FRMD4A: variants seen among roughly 807,000 people sequenced by gnomAD.
FRMD4A encodes FERM domain-containing protein 4A.
In FRMD4A, 29 loss-of-function variants were observed where a neutral mutation model predicts 129.1. That is an observed-to-expected ratio of 0.22 (90% confidence interval 0.17 to 0.31). FRMD4A has a LOEUF of 0.31. Ranked by LOEUF, FRMD4A falls within the 10% of genes least tolerant of loss-of-function variation. The pLI, the probability that FRMD4A is intolerant of heterozygous loss-of-function variation, is 1.00. For synonymous variants in FRMD4A, 634 were observed against 571.6 expected, an observed-to-expected ratio of 1.11 and a Z score of -1.56; for missense variants, 1,272 against 1,375.8, an observed-to-expected ratio of 0.92 and a Z score of 1.19.
chr10:14,202,553 A>C (rs1322848894), intron 2 of FRMD4A, among the ~76,000 whole-genome samples: 3 of 151,856 alleles, frequency 2.0e-5, no homozygotes, highest in Non-Finnish European at 4.4e-5. Context: ...GGTGAGCAGC[A>C]CCACCCCCGG....
chr10:14,024,592 G>A (rs1255655684), intron 2 of FRMD4A, among the ~76,000 whole-genome samples: 1 of 152,246 alleles, frequency 6.6e-6, no homozygotes, highest in Non-Finnish European at 1.5e-5. Flanking sequence ...CTCGAGCTGT[G>A]TAGCCAGAAA....
intron 2 of FRMD4A, among the ~76,000 whole-genome samples, chr10:13,884,502 GCTTTTTCTGAT>G (rs1430925678): frequency 6.6e-6 from 1 of 152,062 alleles, no homozygotes; most frequent in Non-Finnish European, 1.5e-5. Flanking sequence ...CAAGATAAAA[GCTTTTTCTGAT>G]CTTTTTTGAA....
chr10:13,974,523 CTGAT>C (rs937319964), intron 2 of FRMD4A, among the ~76,000 whole-genome samples: 52 of 151,602 alleles, frequency 3.4e-4, no homozygotes, highest in Non-Finnish European at 6.8e-4. Flanking sequence ...CTAGCCTTGA[CTGAT>C]TGATTGATTG....
At chr10:14,162,450 C>G (rs2131871468) in intron 2 of FRMD4A, among the ~76,000 whole-genome samples, 1 of 152,370 alleles carries the variant, frequency 6.6e-6, no homozygotes, top group East Asian at 1.9e-4. Context: ...GCTTTGACCT[C>G]TGCAGCGAAA....
chr10:14,151,975 TG>T (rs1840359850), intron 2 of FRMD4A, among the ~76,000 whole-genome samples: 1 of 151,750 alleles, frequency 6.6e-6, no homozygotes, highest in South Asian at 2.1e-4. Flanking sequence ...CCAGGCTTCC[TG>T]GGGGAGAAGA....
chr10:13,842,310 T>C (rs997747894), intron 3 of FRMD4A, among the ~76,000 whole-genome samples: 3 of 152,318 alleles, frequency 2.0e-5, no homozygotes, highest in Admixed American at 2.0e-4. Context: ...GTCCCTTTTG[T>C]CTCAAATAAA....
At chr10:13,687,631 G>C (rs537204993) in intron 15 of FRMD4A, among the ~76,000 whole-genome samples, 50 of 152,238 alleles carry the variant, frequency 3.3e-4, no homozygotes, top group Non-Finnish European at 4.0e-4. Flanking sequence ...CTCTCAAACT[G>C]TACCTGAACT....
chr10:13,789,951 G>C (rs1323201191), intron 5 of FRMD4A, among the ~76,000 whole-genome samples: 1 of 152,078 alleles, frequency 6.6e-6, no homozygotes, highest in Non-Finnish European at 1.5e-5. Context: ...ATTCTAGAAA[G>C]ATGCTCAGTG....
At chr10:14,248,645 A>G (rs943681193) in intron 2 of FRMD4A, among the ~76,000 whole-genome samples, 2 of 80,548 alleles carry the variant, frequency 2.5e-5, no homozygotes, top group African/African-American at 9.7e-5. Context: ...GAGTTCTACA[A>G]TATAACTATT....
intron 2 of FRMD4A, among the ~76,000 whole-genome samples, chr10:13,924,480 T>C (rs1359601010): frequency 6.6e-6 from 1 of 151,938 alleles, no homozygotes; most frequent in East Asian, 1.9e-4. Flanking sequence ...CCGTTCCCTC[T>C]GCCTGGGACT....
chr10:13,982,343 C>T (rs1014727051), intron 2 of FRMD4A, among the ~76,000 whole-genome samples: 1 of 151,812 alleles, frequency 6.6e-6, no homozygotes, highest in Non-Finnish European at 1.5e-5. Context: ...ATTAGCTGGG[C>T]ACGGTGGCAT....
intron 2 of FRMD4A, among the ~76,000 whole-genome samples, chr10:13,914,219 G>A (rs1246962177): frequency 2.0e-5 from 3 of 152,192 alleles, no homozygotes; most frequent in Non-Finnish European, 4.4e-5. Flanking sequence ...ATTTTACAAA[G>A]TTTCTCATGA....
intron 2 of FRMD4A, among the ~76,000 whole-genome samples, chr10:13,975,562 GTGTC>G (rs1045507861): frequency 6.6e-6 from 1 of 151,640 alleles, no homozygotes; most frequent in African/African-American, 2.4e-5. Context: ...ATCTATGTGT[GTGTC>G]TGTGTCTGTC....
intron 2 of FRMD4A, among the ~76,000 whole-genome samples, chr10:14,196,260 A>G (rs1179350459): frequency 3.9e-5 from 6 of 152,168 alleles, no homozygotes; most frequent in Non-Finnish European, 7.3e-5. Context: ...GAGGCTGGGT[A>G]AGACCAGCTA....
chr10:13,778,758 G>A (rs932273160), intron 6 of FRMD4A, among the ~76,000 whole-genome samples: 1 of 152,090 alleles, frequency 6.6e-6, no homozygotes, highest in Non-Finnish European at 1.5e-5. Flanking sequence ...ACAAGCGCAC[G>A]AGGAGAGCCT....
chr10:13,864,000 C>T (rs756601202), intron 2 of FRMD4A, among the ~76,000 whole-genome samples: 2 of 152,078 alleles, frequency 1.3e-5, no homozygotes, highest in African/African-American at 4.8e-5. Context: ...TTCTTTCTCT[C>T]TCTCTCTCTT....
intron 6 of FRMD4A, among the ~76,000 whole-genome samples, chr10:13,763,243 G>A (rs1252357996): frequency 2.0e-5 from 3 of 152,108 alleles, no homozygotes; most frequent in Admixed American, 6.5e-5. Context: ...GTTTGTTAAT[G>A]TTATTAATCA....
chr10:14,279,512 T>C (rs534406528), intron 2 of FRMD4A, among the ~76,000 whole-genome samples: 141 of 152,254 alleles, frequency 9.3e-4, no homozygotes, highest in Non-Finnish European at 2.6e-4. Flanking sequence ...AGTAAGACTT[T>C]TTTCAACTTT....
chr10:14,020,163 T>C (rs575952141), intron 2 of FRMD4A, among the ~76,000 whole-genome samples: 3 of 152,224 alleles, frequency 2.0e-5, no homozygotes, highest in East Asian at 1.9e-4. Context: ...GGATCCTGCA[T>C]GTACATTTGC....
Sources: allele counts gnomAD v4.1 joint callset (sites outside exome capture counted in the v4.1 genomes callset), GRCh38; gene constraint gnomAD v4.1.1; transcripts MANE v1.5; gene names NCBI Gene and HGNC (gene_info 2026-07-23, HGNC 2026-07-21).